The following POU6F2 variants were observed in gnomAD, a reference collection of about 807,000 sequenced individuals.
POU6F2 encodes POU class 6 homeobox 2, also known as POU domain, class 6, transcription factor 2.
POU6F2 carries 31 observed loss-of-function variants against 71.3 expected under a neutral mutation model. The ratio of observed to expected loss-of-function variants is 0.43; its 90% CI spans 0.33 to 0.59. The LOEUF (loss-of-function observed/expected upper bound fraction) is 0.59. Among genes scored for constraint, POU6F2 ranks in the 20% least tolerant of loss-of-function variants. The pLI is 0.04. For missense variants in POU6F2, 783 were observed against 856.8 expected (o/e 0.91, Z 1.07); for synonymous variants, 347 against 355.7 (o/e 0.98, Z 0.27).
intron 2 of POU6F2, among the ~76,000 whole-genome samples, chr7:39,090,551 G>C (rs1305695449): frequency 6.6e-6 from 1 of 152,060 alleles, no homozygotes; most frequent in African/African-American, 2.4e-5. Flanking sequence ...TCAGTACCTT[G>C]GGTATTTATA....
intron 6 of POU6F2, among the ~76,000 whole-genome samples, chr7:39,428,014 G>A (rs1788014067): frequency 6.6e-6 from 1 of 152,182 alleles, no homozygotes. Context: ...AGGCACTTGA[G>A]GGCAATGTAA....
intron 1 of POU6F2, among the ~76,000 whole-genome samples, chr7:38,990,702 C>T (rs1788581731): frequency 6.6e-6 from 1 of 152,006 alleles, no homozygotes; most frequent in Admixed American, 6.6e-5. Context: ...TATCTTATAT[C>T]TTGTACCGCC....
At chr7:39,056,869 T>C (rs1790540265) in intron 1 of POU6F2, among the ~76,000 whole-genome samples, 1 of 152,116 alleles carries the variant, frequency 6.6e-6, no homozygotes, top group Non-Finnish European at 1.5e-5. Context: ...AGAATTATCT[T>C]CTTTACTCTG....
At chr7:39,116,938 G>A (rs1322231374) in intron 2 of POU6F2, among the ~76,000 whole-genome samples, 1 of 152,108 alleles carries the variant, frequency 6.6e-6, no homozygotes, top group Non-Finnish European at 1.5e-5. Context: ...AGGAAGTTCA[G>A]GGGTATATTA....
intron 2 of POU6F2, among the ~76,000 whole-genome samples, chr7:39,148,308 C>T (rs1422181614): frequency 3.3e-5 from 5 of 152,168 alleles, no homozygotes. Context: ...ACTAGTTCAC[C>T]TTCTGATCAT....
chr7:39,163,895 A>T (rs912522712), intron 2 of POU6F2, among the ~76,000 whole-genome samples: 1 of 152,212 alleles, frequency 6.6e-6, no homozygotes, highest in Non-Finnish European at 1.5e-5. Flanking sequence ...CAATATGTTA[A>T]AAGAAATAAG....
chr7:39,274,455 G>T (rs557512675), intron 4 of POU6F2, among the ~76,000 whole-genome samples: 1 of 127,354 alleles, frequency 7.9e-6, no homozygotes, highest in Non-Finnish European at 1.7e-5. Context: ...ATTCACAGCC[G>T]AATTCTACCA....
intron 6 of POU6F2, among the ~76,000 whole-genome samples, chr7:39,427,200 T>C (rs1787992164): frequency 6.6e-6 from 1 of 152,224 alleles, no homozygotes; most frequent in African/African-American, 2.4e-5. Flanking sequence ...GTGCTTTGCA[T>C]AGATTATCTT....
intron 4 of POU6F2, among the ~76,000 whole-genome samples, chr7:39,214,690 T>C (rs1360077042): frequency 6.6e-6 from 1 of 152,194 alleles, no homozygotes; most frequent in Non-Finnish European, 1.5e-5. Flanking sequence ...TGCTCAAGTG[T>C]GAATGAGTGA....
intron 1 of POU6F2, among the ~76,000 whole-genome samples, chr7:39,055,067 CA>C (rs2128714626): frequency 6.6e-6 from 1 of 151,958 alleles, no homozygotes; most frequent in African/African-American, 2.4e-5. Flanking sequence ...TGGAAAGGGG[CA>C]AAAGCTGCTA....
intron 4 of POU6F2, among the ~76,000 whole-genome samples, chr7:39,334,094 T>A (rs115653904): frequency 0.019 from 2,922 of 152,214 alleles, 96 homozygotes; most frequent in African/African-American, 0.064. Context: ...GAATTTATCT[T>A]TATTTTCCCC....
chr7:39,271,494 G>GAA (rs36038013), intron 4 of POU6F2, among the ~76,000 whole-genome samples: 29 of 136,748 alleles, frequency 2.1e-4, no homozygotes, highest in African/African-American at 6.1e-4. Context: ...CTCAATCAGT[G>GAA]AAAAAAAAAA....
chr7:39,009,733 G>A (rs888191944), intron 1 of POU6F2, among the ~76,000 whole-genome samples: 1 of 151,722 alleles, frequency 6.6e-6, no homozygotes, highest in African/African-American at 2.4e-5. Flanking sequence ...TTAGCATGAA[G>A]GGTTGTTGAA....
chr7:39,441,820 G>A (rs1249972265), intron 7 of POU6F2, among the ~76,000 whole-genome samples: 1 of 152,176 alleles, frequency 6.6e-6, no homozygotes, highest in East Asian at 1.9e-4. Context: ...TAAAGCTGGA[G>A]TGTACACTAA....
intron 2 of POU6F2, among the ~76,000 whole-genome samples, chr7:39,101,073 CTTT>C (rs34648607): frequency 5.7e-4 from 66 of 115,784 alleles, no homozygotes; most frequent in South Asian, 3.4e-3. Context: ...TAAGTGTATT[CTTT>C]TTTTTTTTTT....
At chr7:39,240,060 G>A (rs1398562146) in intron 4 of POU6F2, among the ~76,000 whole-genome samples, 1 of 152,088 alleles carries the variant, frequency 6.6e-6, no homozygotes, top group Non-Finnish European at 1.5e-5. Context: ...ACCAGGAAAG[G>A]AGTTTTATTT....
At chr7:39,308,768 C>A (rs1217217317) in intron 4 of POU6F2, among the ~76,000 whole-genome samples, 7 of 152,192 alleles carry the variant, frequency 4.6e-5, no homozygotes, top group Non-Finnish European at 1.0e-4. Context: ...TGAGGCACGG[C>A]AGGAAGTGGG....
chr7:39,151,417 C>A (rs1446474252), intron 2 of POU6F2, among the ~76,000 whole-genome samples: 1 of 152,176 alleles, frequency 6.6e-6, no homozygotes, highest in African/African-American at 2.4e-5. Flanking sequence ...GTGGTGATGA[C>A]TTAGTCATCT....
At chr7:39,387,613 G>A (rs540774807) in intron 5 of POU6F2, among the ~76,000 whole-genome samples, 14 of 152,280 alleles carry the variant, frequency 9.2e-5, no homozygotes, top group African/African-American at 2.9e-4. Context: ...GTGGCTCCTG[G>A]CTCCACACAG....
Sources: allele counts gnomAD v4.1 joint callset (sites outside exome capture counted in the v4.1 genomes callset), GRCh38; gene constraint gnomAD v4.1.1; transcripts MANE v1.5; gene names NCBI Gene and HGNC (gene_info 2026-07-23, HGNC 2026-07-21).